Variants in DISP1 observed in about 807,000 individuals in gnomAD.
DISP1 encodes the protein protein dispatched homolog 1.
DISP1 carries 30 observed loss-of-function variants against 37.3 expected under a neutral mutation model. The observed-to-expected ratio is 0.80, with a 90% CI of 0.60 to 1.09. The LOEUF (loss-of-function observed/expected upper bound fraction) is 1.09, where lower values mean the gene tolerates loss of function less well. DISP1 is among the 50% of genes least tolerant of loss of function. DISP1 has a pLI of 0.00. For missense variants in DISP1, 1,598 were observed against 1,879.5 expected, an observed-to-expected ratio of 0.85 and a Z score of 2.77; for synonymous variants, 634 against 690.2, an observed-to-expected ratio of 0.92 and a Z score of 1.28.
chr1:222,936,739 TTATATATCATATATATGATATATAA>T (rs1673797878), intron 2 of DISP1, among the ~76,000 whole-genome samples: 1 of 83,294 alleles, frequency 1.2e-5, no homozygotes, highest in Non-Finnish European at 2.1e-5. Context: ...TATATAAAAA[TTATATATCATATATATGATATATAA>T]AAATTATATA....
chr1:222,881,353 G>T (rs1416139389), intron 1 of DISP1, among the ~76,000 whole-genome samples: 1 of 151,968 alleles, frequency 6.6e-6, no homozygotes, highest in Non-Finnish European at 1.5e-5. Flanking sequence ...GCGCCACCAC[G>T]CCTGGCTAAT....
chr1:222,984,261 G>C (rs1164024965), intron 4 of DISP1, among the ~76,000 whole-genome samples: 1 of 151,552 alleles, frequency 6.6e-6, no homozygotes, highest in Non-Finnish European at 1.5e-5. Flanking sequence ...CAAAAAGTTA[G>C]CCAAGCATTG....
Position 222,937,796 on chromosome 1 carries a change from C to CTTT in DISP1, c.-17-4991_-17-4989dup, listed in dbSNP as rs10714424. Among the ~76,000 whole-genome samples, 161 of 56,484 alleles carry CTTT rather than the reference C, an allele frequency of 2.9e-3. 9 individuals carry two copies. Among genetic ancestry groups the CTTT allele is most frequent in the African/African-American group, 0.012 (144 of 11,880 alleles). 37.1% of individuals were successfully genotyped at this position (56,484 alleles called of 152,430 possible). ...AGCCAATGCTTCAATAATAGCTTGC[C>CTTT]TTTTTTTTTTTTTTTTTTTTTTGCA... On this transcript the variant is annotated intron_variant, in intron 2 of 8. Transcript: ENST00000675850.
intron 1 of DISP1, among the ~76,000 whole-genome samples, chr1:222,867,193 C>T (rs1669243311): frequency 6.6e-6 from 1 of 152,184 alleles, no homozygotes; most frequent in African/African-American, 2.4e-5. Context: ...ATGGCTTAGG[C>T]AGAAGCAGAG....
At chr1:222,972,474 T>G (rs1677031453) in intron 3 of DISP1, among the ~76,000 whole-genome samples, 1 of 152,106 alleles carries the variant, frequency 6.6e-6, no homozygotes, top group Non-Finnish European at 1.5e-5. Context: ...CTTTAGCCAC[T>G]TCCTATTTCT....
At chr1:222,939,987 G>A (rs375960995) in intron 2 of DISP1, among the ~76,000 whole-genome samples, 31 of 152,106 alleles carry the variant, frequency 2.0e-4, no homozygotes, top group South Asian at 1.5e-3. Flanking sequence ...TTAGCCAGGC[G>A]TGGTGGTGGG....
At chr1:222,903,286 C>T (rs1384440394) in intron 1 of DISP1, among the ~76,000 whole-genome samples, 38 of 101,910 alleles carry the variant, frequency 3.7e-4, no homozygotes, top group Admixed American at 1.0e-3. Flanking sequence ...CATCACACTC[C>T]GGGGACTGTT....
intron 3 of DISP1, among the ~76,000 whole-genome samples, chr1:222,950,390 G>T (rs1464442263): frequency 2.0e-5 from 3 of 152,146 alleles, no homozygotes; most frequent in Non-Finnish European, 4.4e-5. Flanking sequence ...CATGAGGTCA[G>T]GAGATCGAGA....
chr1:222,836,630 A>T lies in DISP1; in HGVS notation c.-159+21552A>T, dbSNP rs141153681. On this transcript the variant is annotated intron_variant, in intron 1 of 8. Coordinates refer to ENST00000675850, the MANE Select transcript of DISP1 (RefSeq NM_001377229.1). ...TGTAAAATGAGACAGTTAGAATTAA[A>T]TATCAAGGTCCTTTCCACCTAAGGG... 7.6e-3 allele frequency among the ~76,000 whole-genome samples: 1,158 copies of T among 152,174 alleles called. 6 individuals carry two copies. Among genetic ancestry groups the T allele is most frequent in the Middle Eastern group, 0.034 (10 of 294 alleles).
chr1:222,998,967 G>T (rs576063504), intron 8 of DISP1, among the ~76,000 whole-genome samples: 1 of 152,244 alleles, frequency 6.6e-6, no homozygotes, highest in African/African-American at 2.4e-5. Context: ...GTTACGCGTG[G>T]AGGAGGGTCC....
At chr1:222,936,894 T>TATGATA (rs1558340385) in intron 2 of DISP1, among the ~76,000 whole-genome samples, 1 of 78,730 alleles carries the variant, frequency 1.3e-5, no homozygotes, top group African/African-American at 5.1e-5. Flanking sequence ...ATATAATATA[T>TATGATA]TATTTATATA....
chr1:222,825,395 A>G (rs1368832276), intron 1 of DISP1, among the ~76,000 whole-genome samples: 1 of 152,206 alleles, frequency 6.6e-6, no homozygotes, highest in Non-Finnish European at 1.5e-5. Flanking sequence ...AATTTTAGAA[A>G]AGAAAGTCAA....
intron 1 of DISP1, among the ~76,000 whole-genome samples, chr1:222,898,152 T>C (rs1671371662): frequency 6.6e-6 from 1 of 152,154 alleles, no homozygotes; most frequent in South Asian, 2.1e-4. Flanking sequence ...TTATAGCTTA[T>C]AGTATGTGGA....
At chr1:222,972,679 T>G (rs1293130326) in intron 3 of DISP1, among the ~76,000 whole-genome samples, 1 of 152,204 alleles carries the variant, frequency 6.6e-6, no homozygotes, top group African/African-American at 2.4e-5. Flanking sequence ...ATTCTGTTTC[T>G]TAGGTCAAGT....
intron 3 of DISP1, among the ~76,000 whole-genome samples, chr1:222,950,679 A>G (rs2125514901): frequency 6.6e-6 from 1 of 152,202 alleles, no homozygotes; most frequent in South Asian, 2.1e-4. Flanking sequence ...TCCCCAATCT[A>G]CGTCCTGAAC....
chr1:222,976,842 T>C lies in DISP1; in HGVS notation c.510-6238T>C, dbSNP rs76567330. Among the ~76,000 whole-genome samples, 1,142 of 152,262 alleles carry C rather than the reference T, an allele frequency of 7.5e-3. 24 individuals are homozygous for C. Among genetic ancestry groups the C allele is most frequent in the African/African-American group, 0.026 (1,065 of 41,554 alleles). On this transcript the variant is annotated intron_variant, in intron 3 of 8. Transcript: ENST00000675850. ...GTGAGGATAATTTTAGTTCCAAAGATAGCAAAATCTCCTAATTTCTCTTGG... is the reference window on the plus strand; with the variant it reads ...GTGAGGATAATTTTAGTTCCAAAGACAGCAAAATCTCCTAATTTCTCTTGG...
intron 1 of DISP1, among the ~76,000 whole-genome samples, chr1:222,842,447 C>T (rs891450064): frequency 1.3e-5 from 2 of 151,090 alleles, no homozygotes; most frequent in Non-Finnish European, 3.0e-5. Context: ...CTTTTTTATG[C>T]CTTCCCTCTT....
intron 8 of DISP1, among the ~76,000 whole-genome samples, chr1:223,000,479 G>C (rs1679355258): frequency 6.6e-6 from 1 of 152,128 alleles, no homozygotes; most frequent in Non-Finnish European, 1.5e-5. Context: ...TAAAATGAAG[G>C]CTTTGTTAAA....
chr1:222,970,899 G>C (rs909182258), intron 3 of DISP1, among the ~76,000 whole-genome samples: 8 of 152,030 alleles, frequency 5.3e-5, no homozygotes, highest in African/African-American at 1.7e-4. Flanking sequence ...GTTTTCCCTG[G>C]TTGCCCTAGT....
Sources: gnomAD v4.1 joint callset for allele counts (sites outside exome capture counted in the v4.1 genomes callset) on GRCh38, gnomAD v4.1.1 for gene constraint, MANE v1.5 for transcripts, NCBI Gene and HGNC (gene_info 2026-07-23, HGNC 2026-07-21) for gene names.